The following TP63 variants were observed in gnomAD, a reference collection of about 807,000 sequenced individuals.
The protein encoded by TP63 is tumor protein 63.
Under a neutral mutation model 82.8 loss-of-function variants are expected in TP63, and 17 were observed. That is an observed-to-expected ratio of 0.21 (90% confidence interval 0.14 to 0.31). The LOEUF (loss-of-function observed/expected upper bound fraction) is 0.31. TP63 is among the 10% of genes least tolerant of loss of function. The pLI is 1.00. For missense variants in TP63, 648 were observed against 895.3 expected (o/e 0.72, Z 3.52); for synonymous variants, 330 against 321.7 (o/e 1.03, Z -0.28).
At chr3:189,800,799 T>C (rs752103629) in intron 3 of TP63, among the ~76,000 whole-genome samples, 1 of 152,176 alleles carries the variant, frequency 6.6e-6, no homozygotes, top group South Asian at 2.1e-4. Context: ...CTAAGACACA[T>C]ACTTAGAACT....
intron 3 of TP63, among the ~76,000 whole-genome samples, chr3:189,790,352 C>G (rs1007313521): frequency 2.0e-5 from 3 of 152,138 alleles, no homozygotes; most frequent in Non-Finnish European, 2.9e-5. Context: ...AGAGACCCAC[C>G]TAAATCCAGA....
intron 1 of TP63, among the ~76,000 whole-genome samples, chr3:189,635,446 G>T (rs1729715522): frequency 6.6e-6 from 1 of 151,932 alleles, no homozygotes; most frequent in South Asian, 2.1e-4. Flanking sequence ...CTCATTCTTT[G>T]CCTCAAGAAG....
intron 3 of TP63, among the ~76,000 whole-genome samples, chr3:189,761,240 CT>C (rs1722548230): frequency 1.3e-5 from 2 of 152,186 alleles, no homozygotes; most frequent in South Asian, 4.1e-4. Context: ...ATTTTGTTTT[CT>C]GTTGCATTGT....
chr3:189,703,297 G>A (rs1049146618), intron 1 of TP63, among the ~76,000 whole-genome samples: 1 of 152,182 alleles, frequency 6.6e-6, no homozygotes, highest in Non-Finnish European at 1.5e-5. Flanking sequence ...AGCTGGTCGT[G>A]GGGGCATGCG....
upstream of TP63, chr3:189,631,341 G>C (rs1432450751): frequency 1.4e-6 from 2 of 1,441,160 alleles, no homozygotes; most frequent in Non-Finnish European, 1.8e-6. Flanking sequence ...ATCAAGAAAC[G>C]CTCCGCCTCT....
chr3:189,864,856 A>C (rs1042283720), intron 5 of TP63, among the ~76,000 whole-genome samples: 14 of 151,958 alleles, frequency 9.2e-5, no homozygotes, highest in Non-Finnish European at 2.1e-4. Context: ...AATACAAAAA[A>C]ATTAGCTGGG....
At chr3:189,831,165 A>G (rs931871471) in intron 4 of TP63, among the ~76,000 whole-genome samples, 1 of 152,168 alleles carries the variant, frequency 6.6e-6, no homozygotes, top group Non-Finnish European at 1.5e-5. Context: ...ACAGACTTGC[A>G]CTATCTGTGA....
At position 189,650,865 on chromosome 3, in the gene TP63, A is replaced by T. The variant is rs184364353; in HGVS notation, c.62+19288A>T. On this transcript the variant is annotated intron_variant, in intron 1 of 13. Coordinates refer to ENST00000264731, the MANE Select transcript of TP63 (RefSeq NM_003722.5). Reference sequence around the variant, plus strand: ...CAGTTTGGAGGACTCAGACGAAGACAGGAAAATGGGAGAAAGTTTGGAACT... The same window carrying T: ...CAGTTTGGAGGACTCAGACGAAGACTGGAAAATGGGAGAAAGTTTGGAACT... Among the ~76,000 whole-genome samples, 6 of 147,142 alleles carry T rather than the reference A, an allele frequency of 4.1e-5. 2 individuals are homozygous for T. In the East Asian group the frequency reaches 1.4e-3, roughly 35 times the overall value.
At chr3:189,874,078 T>G (rs1360642714) in intron 10 of TP63, among the ~76,000 whole-genome samples, 2 of 151,932 alleles carry the variant, frequency 1.3e-5, no homozygotes, top group Admixed American at 1.3e-4. Context: ...GGCTTATGAT[T>G]ATTATTATTA....
intron 5 of TP63, among the ~76,000 whole-genome samples, chr3:189,866,315 T>C (rs762148573): frequency 6.6e-6 from 1 of 152,248 alleles, no homozygotes; most frequent in Non-Finnish European, 1.5e-5. Context: ...ACTGATTTTT[T>C]TTTAAATTAA....
At chr3:189,634,143 G>A (rs574732062) in intron 1 of TP63, among the ~76,000 whole-genome samples, 5 of 152,088 alleles carry the variant, frequency 3.3e-5, no homozygotes, top group South Asian at 2.1e-4. Flanking sequence ...GCAGACAACC[G>A]TTGTAGTTCT....
chr3:189,870,463 T>C (rs1236142831), intron 9 of TP63, among the ~76,000 whole-genome samples: 1 of 152,206 alleles, frequency 6.6e-6, no homozygotes, highest in Non-Finnish European at 1.5e-5. Context: ...ATGCATAGGT[T>C]ACGTGCAAAT....
intron 3 of TP63, among the ~76,000 whole-genome samples, chr3:189,769,555 A>G (rs906014626): frequency 6.6e-6 from 1 of 152,218 alleles, no homozygotes; most frequent in South Asian, 2.1e-4. Flanking sequence ...TTCCTTTAAA[A>G]TAATTAGAAT....
intron 4 of TP63, among the ~76,000 whole-genome samples, chr3:189,810,126 T>A (rs1273951024): frequency 6.6e-6 from 1 of 152,228 alleles, no homozygotes; most frequent in Non-Finnish European, 1.5e-5. Context: ...CTCCTCCACG[T>A]GTTACTTATC....
chr3:189,639,554 A>G (rs1398944175), intron 1 of TP63, among the ~76,000 whole-genome samples: 2 of 152,158 alleles, frequency 1.3e-5, no homozygotes, highest in African/African-American at 2.4e-5. Flanking sequence ...GCCACTTTCA[A>G]ATTTCCAGTT....
rs576110410 is a variant in TP63, at chr3:189,873,086, A to C, written c.1349+91A>C. 3 of 1,582,100 alleles carry C rather than the reference A, an allele frequency of 1.9e-6. No individual in the cohort carries two copies. In the South Asian group the frequency reaches 3.3e-5, roughly 18 times the overall value. On this transcript the variant is annotated intron_variant, in intron 10 of 13. Transcript: ENST00000264731. ...GGGTGATTGATGAGCAATGTGGAACATAATGGGAGATAGCAGATTGTCATA... is the reference window on the plus strand; with the variant it reads ...GGGTGATTGATGAGCAATGTGGAACCTAATGGGAGATAGCAGATTGTCATA...
intron 3 of TP63, among the ~76,000 whole-genome samples, chr3:189,762,944 A>C (rs1243086273): frequency 6.6e-6 from 1 of 152,220 alleles, no homozygotes; most frequent in Non-Finnish European, 1.5e-5. Flanking sequence ...ATGGGCATCC[A>C]TCATTGAACA....
At chr3:189,657,230 C>T (rs1045659962) in intron 1 of TP63, among the ~76,000 whole-genome samples, 2 of 151,856 alleles carry the variant, frequency 1.3e-5, no homozygotes, top group Admixed American at 6.6e-5. Flanking sequence ...TATTTTTGGG[C>T]AGTGAAACTA....
At chr3:189,706,209 AAG>A (rs1437526070) in intron 1 of TP63, among the ~76,000 whole-genome samples, 5 of 152,162 alleles carry the variant, frequency 3.3e-5, no homozygotes, top group African/African-American at 1.2e-4. Flanking sequence ...TTTAGAAAAA[AAG>A]AGAAATCAGC....
Sources: allele counts gnomAD v4.1 joint callset (sites outside exome capture counted in the v4.1 genomes callset), GRCh38; gene constraint gnomAD v4.1.1; transcripts MANE v1.5; gene names NCBI Gene and HGNC (gene_info 2026-07-23, HGNC 2026-07-21).